Variants in SLC60A1 observed in about 807,000 individuals in gnomAD.
The protein encoded by SLC60A1 is major facilitator superfamily domain containing 4.
chr1:205,573,838 C>T, the SLC60A1 span, among the ~76,000 whole-genome samples: 2 of 152,064 alleles, frequency 1.3e-5, no homozygotes, highest in Non-Finnish European at 2.9e-5. Context: ...GCTGAGATTA[C>T]AGGCATGCGC....
At chr1:205,601,916 C>T in the SLC60A1 span, 1 of 152,216 alleles carries the variant, frequency 6.6e-6, no homozygotes, top group Non-Finnish European at 1.5e-5. Flanking sequence ...GGGAAAAAAA[C>T]TCTTTATACC....
chr1:205,600,357 C>G, the SLC60A1 span: 1 of 1,570,134 alleles, frequency 6.4e-7, no homozygotes, highest in Admixed American at 1.7e-5. Context: ...ATCACTGCAA[C>G]TCATCAGAGC....
chr1:205,580,568 A>C, the SLC60A1 span: 26 of 1,484,044 alleles, frequency 1.8e-5, no homozygotes, highest in Non-Finnish European at 2.3e-5. This position sits in a 1 kb window ranked among gnomAD's most constrained non-coding sequence, Gnocchi z 5.0. Context: ...GAGGGGGCTC[A>C]GTGTGGGTCC....
the SLC60A1 span, among the ~76,000 whole-genome samples, chr1:205,585,691 T>C: frequency 6.6e-6 from 1 of 152,080 alleles, no homozygotes. This position sits in a 1 kb window ranked among gnomAD's most constrained non-coding sequence, Gnocchi z 4.2. Flanking sequence ...CACACCTTTT[T>C]TTTTTTTTTT....
the SLC60A1 span, chr1:205,584,096 C>A: frequency 6.2e-7 from 1 of 1,613,916 alleles, no homozygotes; most frequent in African/African-American, 1.3e-5. Flanking sequence ...TGCCTCCTCA[C>A]TGCCCCCAAA....
At chr1:205,587,974 G>C in the SLC60A1 span, among the ~76,000 whole-genome samples, 2 of 152,160 alleles carry the variant, frequency 1.3e-5, no homozygotes, top group African/African-American at 4.8e-5. Flanking sequence ...CTCACCTGGA[G>C]TGCTGGGTTT....
the SLC60A1 span, chr1:205,601,461 A>C: frequency 1.3e-5 from 2 of 152,344 alleles, no homozygotes; most frequent in African/African-American, 4.8e-5. Context: ...TGGTCCAGAA[A>C]TCGCCCAGGA....
the SLC60A1 span, chr1:205,591,941 G>A: frequency 3.2e-5 from 20 of 624,060 alleles, no homozygotes; most frequent in African/African-American, 2.2e-4. Flanking sequence ...TCCTTTCCAC[G>A]CTTCCTTCCA....
At chr1:205,570,152 C>T in the SLC60A1 span, among the ~76,000 whole-genome samples, 1 of 152,200 alleles carries the variant, frequency 6.6e-6, no homozygotes, top group South Asian at 2.1e-4. Context: ...GACACTATTG[C>T]AGAGCCTTAT....
At chr1:205,570,467 A>T in the SLC60A1 span, among the ~76,000 whole-genome samples, 1 of 152,218 alleles carries the variant, frequency 6.6e-6, no homozygotes, top group East Asian at 1.9e-4. Flanking sequence ...TAACGCCTAC[A>T]GGTGTTCGTG....
At chr1:205,577,703 C>T in the SLC60A1 span, among the ~76,000 whole-genome samples, 15 of 152,136 alleles carry the variant, frequency 9.9e-5, no homozygotes, top group African/African-American at 2.7e-4. This position sits in a 1 kb window ranked among gnomAD's most constrained non-coding sequence, Gnocchi z 5.2. Flanking sequence ...GAGCCATTAG[C>T]GAGTAACTCA....
At chr1:205,576,222 G>A in the SLC60A1 span, among the ~76,000 whole-genome samples, 2 of 152,148 alleles carry the variant, frequency 1.3e-5, no homozygotes, top group Admixed American at 6.5e-5. Flanking sequence ...TAGAATCTGG[G>A]AGCTGGCACT....
the SLC60A1 span, among the ~76,000 whole-genome samples, chr1:205,593,753 T>A: frequency 6.6e-6 from 1 of 152,206 alleles, no homozygotes; most frequent in South Asian, 2.1e-4. Context: ...AAGCACAGTT[T>A]AAAGCAGTAA....
chr1:205,600,810 TAAA>T, the SLC60A1 span: 1 of 207,550 alleles, frequency 4.8e-6, no homozygotes, highest in Non-Finnish European at 9.6e-6. Flanking sequence ...TTGAAGTTTG[TAAA>T]AATAGGTTGA....
At chr1:205,584,219 T>TTTA in the SLC60A1 span, 63 of 212,394 alleles carry the variant, frequency 3.0e-4, no homozygotes, top group African/African-American at 3.3e-3. Context: ...TCACAGGTGA[T>TTTA]TTTTTTTTTT....
At chr1:205,602,742 A>T in the SLC60A1 span, 9 of 152,252 alleles carry the variant, frequency 5.9e-5, no homozygotes, top group African/African-American at 1.9e-4. Flanking sequence ...TGACCTGGGC[A>T]ATGAAAAAGC....
chr1:205,582,071 C>T, the SLC60A1 span, among the ~76,000 whole-genome samples: 1 of 152,200 alleles, frequency 6.6e-6, no homozygotes, highest in African/African-American at 2.4e-5. Context: ...CCTCTGGGGG[C>T]TCTCATAAAC....
the SLC60A1 span, among the ~76,000 whole-genome samples, chr1:205,570,181 A>G: frequency 3.3e-5 from 5 of 152,260 alleles, no homozygotes; most frequent in Admixed American, 2.0e-4. Context: ...CTTAAATTGG[A>G]CAGGGCCACC....
chr1:205,586,478 G>T, the SLC60A1 span, among the ~76,000 whole-genome samples: 1 of 152,154 alleles, frequency 6.6e-6, no homozygotes, highest in African/African-American at 2.4e-5. Flanking sequence ...TGTAGGAGGT[G>T]CTGGCTGCAG....
Sources: allele counts gnomAD v4.1 joint callset (sites outside exome capture counted in the v4.1 genomes callset), GRCh38; gene constraint gnomAD v4.1.1; non-coding constraint Gnocchi (gnomAD v3.1); transcripts MANE v1.5; gene names NCBI Gene and HGNC (gene_info 2026-07-23, HGNC 2026-07-21).